Variants in PDE3A observed in about 807,000 individuals in gnomAD.
PDE3A encodes the protein phosphodiesterase 3A, also known as cGMP-inhibited 3',5'-cyclic phosphodiesterase 3A.
Under a neutral mutation model 98.3 loss-of-function variants are expected in PDE3A, and 43 were observed. That is an observed-to-expected ratio of 0.44 (90% CI 0.34 to 0.56). The LOEUF (loss-of-function observed/expected upper bound fraction) is 0.56, where lower values mean the gene tolerates loss of function less well. Ranked by LOEUF, PDE3A falls within the 20% of genes least tolerant of loss-of-function variation. The pLI is 0.01. For synonymous variants in PDE3A, 663 were observed against 567.9 expected, an observed-to-expected ratio of 1.17 and a Z score of -2.38; for missense variants, 1,427 against 1,440.7, an observed-to-expected ratio of 0.99 and a Z score of 0.15.
intron 1 of PDE3A, among the ~76,000 whole-genome samples, chr12:20,548,336 T>C (rs1027638298): frequency 6.6e-5 from 10 of 152,124 alleles, no homozygotes; most frequent in African/African-American, 2.4e-4. Flanking sequence ...CTTGGTGACC[T>C]ATATATCCCC....
At chr12:20,388,820 T>G (rs890022391) in intron 1 of PDE3A, among the ~76,000 whole-genome samples, 1 of 152,060 alleles carries the variant, frequency 6.6e-6, no homozygotes, top group Non-Finnish European at 1.5e-5. Context: ...TAAGGAACTT[T>G]ATACATTTCC....
At chr12:20,524,797 T>A (rs1265549964) in intron 1 of PDE3A, among the ~76,000 whole-genome samples, 2 of 152,018 alleles carry the variant, frequency 1.3e-5, no homozygotes, top group Non-Finnish European at 2.9e-5. Context: ...ACCCCATTCC[T>A]TGCCCTCAGA....
At chr12:20,629,807 T>C (rs1944342127) in intron 5 of PDE3A, 101 bp from the exon 6 acceptor site, 1 of 868,566 alleles carries the variant, frequency 1.2e-6, no homozygotes, top group Admixed American at 1.8e-5. Flanking sequence ...AGCAGGCACG[T>C]GGTTGTTACT....
chr12:20,488,750 C>T (rs1000067398), intron 1 of PDE3A, among the ~76,000 whole-genome samples: 6 of 151,902 alleles, frequency 3.9e-5, no homozygotes, highest in East Asian at 1.9e-4. Flanking sequence ...AAAGCCACCA[C>T]GTGTACCTGT....
intron 1 of PDE3A, among the ~76,000 whole-genome samples, chr12:20,515,699 ATTATTTATTTAT>A (rs58454608): frequency 0.028 from 3,913 of 141,068 alleles, 72 homozygotes; most frequent in African/African-American, 0.059. Flanking sequence ...CTCACACTGT[ATTATTTATTTAT>A]TTATTTATTT....
At chr12:20,470,839 C>T (rs1005684438) in intron 1 of PDE3A, among the ~76,000 whole-genome samples, 1 of 152,038 alleles carries the variant, frequency 6.6e-6, no homozygotes, top group Non-Finnish European at 1.5e-5. Context: ...GTGAAGGGGC[C>T]TTTGGCAGGC....
chr12:20,552,574 C>A lies in PDE3A; in HGVS notation c.961-4086C>A. On this transcript the variant is annotated intron_variant, in intron 1 of 15. Coordinates refer to ENST00000359062, the MANE Select transcript of PDE3A (RefSeq NM_000921.5). This position sits in a 1 kb window ranked among gnomAD's most constrained non-coding sequence, Gnocchi z 5.1. ...CAGGACGGGCAAGGGCAAGTGGAAG[C>A]GGAAGTCGGCAGGAGGTGGCCCGAG... is the stretch of plus-strand genomic sequence containing the variant. 2 of 1,613,650 alleles carry A rather than the reference C, an allele frequency of 1.2e-6. No individual in the cohort carries two copies. Among genetic ancestry groups the A allele is most frequent in the Non-Finnish European group, 1.7e-6 (2 of 1,179,782 alleles).
chr12:20,477,510 T>G (rs1481645885), intron 1 of PDE3A, among the ~76,000 whole-genome samples: 1 of 152,168 alleles, frequency 6.6e-6, no homozygotes, highest in Non-Finnish European at 1.5e-5. Flanking sequence ...AGAACAGCAC[T>G]TCTAGCAAAG....
chr12:20,513,193 A>G (rs1440858373), intron 1 of PDE3A, among the ~76,000 whole-genome samples: 2 of 152,146 alleles, frequency 1.3e-5, no homozygotes, highest in Non-Finnish European at 2.9e-5. Context: ...GAATCAAACC[A>G]TGTTTATAGT....
intron 1 of PDE3A, among the ~76,000 whole-genome samples, chr12:20,382,557 C>T (rs1943680878): frequency 6.6e-6 from 1 of 151,858 alleles, no homozygotes; most frequent in African/African-American, 2.4e-5. Context: ...CACTACCTAT[C>T]TCATATGGCT....
intron 9 of PDE3A, among the ~76,000 whole-genome samples, chr12:20,637,609 T>C (rs987400565): frequency 5.3e-5 from 8 of 152,162 alleles, no homozygotes; most frequent in African/African-American, 1.9e-4. Flanking sequence ...TAATTATTTT[T>C]GATGACTTTT....
intron 15 of PDE3A, among the ~76,000 whole-genome samples, chr12:20,665,904 G>C (rs1003274677): frequency 6.7e-6 from 1 of 148,666 alleles, no homozygotes; most frequent in African/African-American, 2.5e-5. Context: ...CATCAAATGT[G>C]TAATGATTAA....
chr12:20,448,420 A>C (rs1350187638), intron 1 of PDE3A, among the ~76,000 whole-genome samples: 1 of 152,186 alleles, frequency 6.6e-6, no homozygotes, highest in Non-Finnish European at 1.5e-5. Context: ...CAGCCTGGGC[A>C]ACAAGAGCGA....
At chr12:20,411,484 C>A (rs760648340) in intron 1 of PDE3A, among the ~76,000 whole-genome samples, 41 of 151,474 alleles carry the variant, frequency 2.7e-4, no homozygotes, top group Non-Finnish European at 4.4e-4. Flanking sequence ...AGAGTTTTGA[C>A]ATTTCTTGTG....
At chr12:20,386,076 TATATAA>T (rs1469505492) in intron 1 of PDE3A, among the ~76,000 whole-genome samples, 3 of 46,710 alleles carry the variant, frequency 6.4e-5, no homozygotes, top group African/African-American at 2.5e-4. Context: ...ATATAAAATA[TATATAA>T]ATATATAAAT....
Position 20,663,957 on chromosome 12 carries a change from C to T in PDE3A, c.3184+9752C>T, listed in dbSNP as rs190540152. ...TAGTTTACATAATCTCCATGTGTTG[C>T]GGGAGGGACCCAGTGGGAGGTAATT... is the stretch of plus-strand genomic sequence containing the variant. On this transcript the variant is annotated intron_variant, in intron 15 of 15. Coordinates refer to ENST00000359062, the MANE Select transcript of PDE3A (RefSeq NM_000921.5). Among the ~76,000 whole-genome samples, 1,362 of 151,996 alleles carry T rather than the reference C, an allele frequency of 9.0e-3. 27 individuals are homozygous for T. The highest frequency in any genetic ancestry group is 0.03 in the African/African-American group (1,252 of 41,470).
intron 1 of PDE3A, among the ~76,000 whole-genome samples, chr12:20,465,580 C>A (rs1945328244): frequency 6.6e-6 from 1 of 151,784 alleles, no homozygotes; most frequent in Admixed American, 6.6e-5. Flanking sequence ...TGGCTAATTT[C>A]TTGTGTGTTT....
At chr12:20,446,272 T>A (rs1944951875) in intron 1 of PDE3A, among the ~76,000 whole-genome samples, 1 of 152,172 alleles carries the variant, frequency 6.6e-6, no homozygotes, top group Admixed American at 6.5e-5. Context: ...TGCTTCCCTC[T>A]CTAGTAAAAT....
chr12:20,634,912 T>C lies in PDE3A; in HGVS notation c.1857T>C (p.Ala619=). 6.2e-7 allele frequency: 1 copy of C among 1,609,312 alleles called. No homozygotes were observed. Among genetic ancestry groups the C allele is most frequent in the South Asian group, 1.1e-5 (1 of 90,982 alleles). ...TRTPSRTDDT[A]QVTSDYETNN... is the part of the protein sequence containing the mutation. ...CTCTTTTAATTGTAGATGACACTGC[T>C]CAAGTTACCTCTGATTATGAAACCA... The change falls in exon 8 of 16, where the codon GCT becomes GCC. Residue 619 remains alanine (A), a synonymous_variant. Transcript: ENST00000359062.
Sources: gnomAD v4.1 joint callset for allele counts (sites outside exome capture counted in the v4.1 genomes callset) on GRCh38, gnomAD v4.1.1 for gene constraint, Gnocchi (gnomAD v3.1) non-coding constraint, MANE v1.5 for transcripts, NCBI Gene and HGNC (gene_info 2026-07-23, HGNC 2026-07-21) for gene names.